TRMT11: variants seen among roughly 807,000 people sequenced by gnomAD.
TRMT11 encodes tRNA methyltransferase 11, also known as tRNA (guanine(10)-N(2))-methyltransferase TRMT11.
TRMT11 carries 53 observed loss-of-function variants against 62.8 expected under a neutral mutation model. That is an observed-to-expected ratio of 0.84 (90% CI 0.68 to 1.06). The LOEUF (loss-of-function observed/expected upper bound fraction) is 1.06. Ranked by LOEUF, TRMT11 falls within the 50% of genes least tolerant of loss-of-function variation. The probability of loss-of-function intolerance (pLI) is 0.00; values close to 1 mark genes in which losing one functional copy is unlikely to be tolerated. For missense variants in TRMT11, 556 were observed against 553.4 expected (o/e 1.00, Z -0.05); for synonymous variants, 188 against 190.3 (o/e 0.99, Z 0.10).
intron 21 of TRMT11, among the ~76,000 whole-genome samples, chr6:126,148,949 C>T: frequency 6.6e-6 from 1 of 152,168 alleles, no homozygotes; most frequent in Non-Finnish European, 1.5e-5. Flanking sequence ...ATATTACCTA[C>T]AGACAGATGC....
At chr6:126,120,103 A>T (rs563663661) in intron 21 of TRMT11, among the ~76,000 whole-genome samples, 1 of 151,942 alleles carries the variant, frequency 6.6e-6, no homozygotes, top group South Asian at 2.1e-4. Context: ...GTGAAATTTC[A>T]TCACTACTAA....
At chr6:126,048,342 A>G (rs1776118209) in intron 16 of TRMT11, among the ~76,000 whole-genome samples, 1 of 152,206 alleles carries the variant, frequency 6.6e-6, no homozygotes, top group African/African-American at 2.4e-5. Context: ...GCTCTGACCA[A>G]TACCCTCCTT....
chr6:126,240,912 G>T, the TRMT11 span, among the ~76,000 whole-genome samples: 3,080 of 152,318 alleles, frequency 0.02, 121 homozygotes, highest in African/African-American at 0.07. Flanking sequence ...GCAATGGTGG[G>T]CACCCCTCCC....
At chr6:126,075,630 TTTATAAA>T (rs1245816505) in intron 17 of TRMT11, among the ~76,000 whole-genome samples, 2 of 152,152 alleles carry the variant, frequency 1.3e-5, no homozygotes, top group Non-Finnish European at 2.9e-5. Flanking sequence ...ACCTCTTTTC[TTTATAAA>T]TTATGCAGTC....
chr6:126,080,722 C>G (rs547129030), intron 17 of TRMT11, among the ~76,000 whole-genome samples: 6 of 152,262 alleles, frequency 3.9e-5, no homozygotes, highest in African/African-American at 1.4e-4. Context: ...CACGGTAGCC[C>G]ACTAGTTAAA....
chr6:126,148,742 G>A (rs1218680714), intron 21 of TRMT11, among the ~76,000 whole-genome samples: 1 of 152,110 alleles, frequency 6.6e-6, no homozygotes. Flanking sequence ...ATAACCACTA[G>A]ATTAGATTGA....
At chr6:126,121,868 G>A (rs1777653896) in intron 21 of TRMT11, among the ~76,000 whole-genome samples, 2 of 152,010 alleles carry the variant, frequency 1.3e-5, no homozygotes, top group South Asian at 4.2e-4. Flanking sequence ...CCGCCACACA[G>A]ACACACAAAC....
chr6:126,249,695 G>A, the TRMT11 span, among the ~76,000 whole-genome samples: 1 of 152,058 alleles, frequency 6.6e-6, no homozygotes, highest in African/African-American at 2.4e-5. Flanking sequence ...TGAAAGTGTG[G>A]GGATAGGGAG....
the TRMT11 span, among the ~76,000 whole-genome samples, chr6:126,236,866 G>C: frequency 6.6e-6 from 1 of 152,098 alleles, no homozygotes; most frequent in Non-Finnish European, 1.5e-5. Context: ...ATTGGTCTTA[G>C]GTAATCCCTC....
At chr6:126,225,515 T>C in the TRMT11 span, among the ~76,000 whole-genome samples, 1 of 151,914 alleles carries the variant, frequency 6.6e-6, no homozygotes, top group East Asian at 1.9e-4. Flanking sequence ...ATCTTCTTGG[T>C]GGTCTGGTCT....
At chr6:126,079,794 CTCCGTGGTAAGCTAACTATG>C (rs1464527426) in intron 17 of TRMT11, among the ~76,000 whole-genome samples, 1 of 152,114 alleles carries the variant, frequency 6.6e-6, no homozygotes, top group Non-Finnish European at 1.5e-5. Context: ...CCTTGCAAAG[CTCCGTGGTAAGCTAACTATG>C]ACCATGGAGG....
chr6:125,988,577 TAATG>T (rs1271410474), intron 1 of TRMT11, among the ~76,000 whole-genome samples: 1 of 152,080 alleles, frequency 6.6e-6, no homozygotes, highest in Non-Finnish European at 1.5e-5. Flanking sequence ...GTTTTGTAGG[TAATG>T]AATGAGTGGA....
intron 17 of TRMT11, among the ~76,000 whole-genome samples, chr6:126,107,169 T>G (rs1777473907): frequency 6.6e-6 from 1 of 152,174 alleles, no homozygotes; most frequent in Non-Finnish European, 1.5e-5. Flanking sequence ...ATTTCAGTCC[T>G]TTAGAAAAAA....
At chr6:126,182,303 C>T (rs954032676) in intron 1 of TRMT11, among the ~76,000 whole-genome samples, 16 of 151,582 alleles carry the variant, frequency 1.1e-4, no homozygotes, top group African/African-American at 1.7e-4. Context: ...AGCATATCCT[C>T]GCAAAGCAGA....
intron 6 of TRMT11, 125 bp from the exon 7 acceptor site, chr6:125,999,332 T>C (rs192704963): frequency 1.7e-6 from 1 of 583,614 alleles, no homozygotes; most frequent in East Asian, 3.0e-5. Flanking sequence ...TTTAAATAAA[T>C]AAGTTTAGAG....
At chr6:126,238,656 G>T in the TRMT11 span, among the ~76,000 whole-genome samples, 2 of 152,220 alleles carry the variant, frequency 1.3e-5, no homozygotes, top group Non-Finnish European at 2.9e-5. Flanking sequence ...TGGAATAAGT[G>T]TGGTGTGGTG....
rs529176613 is a variant in TRMT11 at position 126,032,983 on chromosome 6, G to C, written c.1261-5722G>C. On this transcript the variant is annotated intron_variant, in intron 12 of 12. Transcript: ENST00000334379. ...CTGATACTACTCTTCAAAAATCAGT[G>C]GGACAAAAACATTTTAATCCTATGA... Among the ~76,000 whole-genome samples the C allele has an allele frequency of 1.1e-4, 17 of 152,188 alleles. No individual in the cohort carries two copies. In the South Asian group the frequency reaches 3.5e-3, roughly 32 times the overall value.
intron 12 of TRMT11, among the ~76,000 whole-genome samples, chr6:126,025,735 T>C (rs1275777365): frequency 6.6e-6 from 1 of 152,184 alleles, no homozygotes; most frequent in African/African-American, 2.4e-5. Flanking sequence ...TTGTTCAGCA[T>C]TGTTGATTTT....
chr6:126,080,147 G>T (rs923795155), intron 17 of TRMT11, among the ~76,000 whole-genome samples: 3 of 152,010 alleles, frequency 2.0e-5, no homozygotes, highest in African/African-American at 7.3e-5. Flanking sequence ...TGTTACCCAG[G>T]CTGGAGTGCA....
Sources: gnomAD v4.1 joint callset for allele counts (sites outside exome capture counted in the v4.1 genomes callset) on GRCh38, gnomAD v4.1.1 for gene constraint, MANE v1.5 for transcripts, NCBI Gene and HGNC (gene_info 2026-07-23, HGNC 2026-07-21) for gene names.